KCNIP4: variants seen among roughly 807,000 people sequenced by gnomAD.
KCNIP4 encodes Kv channel-interacting protein 4.
KCNIP4 carries 12 observed loss-of-function variants against 34.0 expected under a neutral mutation model. That is an observed-to-expected ratio of 0.35 (90% confidence interval 0.23 to 0.57). KCNIP4 has a LOEUF of 0.57. Ranked by LOEUF, KCNIP4 falls within the 20% of genes least tolerant of loss-of-function variation. The pLI, the probability that KCNIP4 is intolerant of heterozygous loss-of-function variation, is 0.83. For missense variants in KCNIP4, 238 were observed against 311.7 expected, an observed-to-expected ratio of 0.76 and a Z score of 1.78; for synonymous variants, 124 against 102.2, an observed-to-expected ratio of 1.21 and a Z score of -1.29.
chr4:21,349,984 T>G (rs141699333), intron 1 of KCNIP4, among the ~76,000 whole-genome samples: 1,615 of 152,334 alleles, frequency 0.011, 15 homozygotes, highest in Non-Finnish European at 0.017. Context: ...ACTAGAGTTA[T>G]GAGCAATGCC....
intron 1 of KCNIP4, among the ~76,000 whole-genome samples, chr4:21,677,324 T>A (rs1749990136): frequency 6.6e-6 from 1 of 152,228 alleles, no homozygotes; most frequent in African/African-American, 2.4e-5. Flanking sequence ...ACTAGTATTC[T>A]AGCACTTCAA....
intron 1 of KCNIP4, among the ~76,000 whole-genome samples, chr4:21,661,619 A>G (rs1024586268): frequency 6.6e-6 from 1 of 152,276 alleles, no homozygotes; most frequent in South Asian, 2.1e-4. Flanking sequence ...TATCTTACCT[A>G]TGAGAACACT....
intron 1 of KCNIP4, among the ~76,000 whole-genome samples, chr4:21,432,578 T>C (rs552967648): frequency 2.0e-5 from 3 of 152,256 alleles, no homozygotes; most frequent in Non-Finnish European, 4.4e-5. Context: ...TCAAATTAGC[T>C]GGGAAAAAGA....
At chr4:21,310,155 C>T (rs1712988007) in intron 1 of KCNIP4, among the ~76,000 whole-genome samples, 1 of 152,152 alleles carries the variant, frequency 6.6e-6, no homozygotes, top group Non-Finnish European at 1.5e-5. Flanking sequence ...GTCTCAGCCT[C>T]CCGAGTAGCT....
chr4:20,943,633 T>C (rs547573889), intron 1 of KCNIP4, among the ~76,000 whole-genome samples: 5 of 152,146 alleles, frequency 3.3e-5, no homozygotes, highest in South Asian at 4.1e-4. Flanking sequence ...AGAGGAAAAA[T>C]GAATCATGAA....
intron 1 of KCNIP4, among the ~76,000 whole-genome samples, chr4:21,378,861 C>A (rs544857241): frequency 6.6e-6 from 1 of 152,198 alleles, no homozygotes; most frequent in South Asian, 2.1e-4. Context: ...TACTACGTAG[C>A]TATCTACATA....
chr4:20,735,943 CT>C (rs1243710311), intron 5 of KCNIP4, among the ~76,000 whole-genome samples: 1 of 152,188 alleles, frequency 6.6e-6, no homozygotes, highest in Non-Finnish European at 1.5e-5. Flanking sequence ...CAAAAGTCTT[CT>C]GGGTGAATTT....
chr4:21,417,730 C>A (rs1725090216), intron 1 of KCNIP4, among the ~76,000 whole-genome samples: 1 of 152,046 alleles, frequency 6.6e-6, no homozygotes, highest in African/African-American at 2.4e-5. Flanking sequence ...CTTTGTGGGG[C>A]AGAAAGTAGA....
intron 1 of KCNIP4, among the ~76,000 whole-genome samples, chr4:21,419,519 A>G (rs1249501602): frequency 9.9e-5 from 15 of 152,148 alleles, no homozygotes; most frequent in Non-Finnish European, 4.4e-5. Flanking sequence ...TAATAATATC[A>G]ATTATATTTA....
At chr4:20,980,232 C>A (rs771777960) in intron 1 of KCNIP4, among the ~76,000 whole-genome samples, 2 of 152,190 alleles carry the variant, frequency 1.3e-5, no homozygotes, top group Non-Finnish European at 2.9e-5. Flanking sequence ...TAATGTTCAT[C>A]TTGCACTTTC....
chr4:21,409,427 G>T (rs1724295133), intron 1 of KCNIP4, among the ~76,000 whole-genome samples: 1 of 151,984 alleles, frequency 6.6e-6, no homozygotes, highest in South Asian at 2.1e-4. Flanking sequence ...TATGTTTGTG[G>T]ATCCGCTTTT....
chr4:21,170,471 G>A (rs1753941664), intron 1 of KCNIP4, among the ~76,000 whole-genome samples: 1 of 151,826 alleles, frequency 6.6e-6, no homozygotes, highest in African/African-American at 2.4e-5. Flanking sequence ...TTAAATCACT[G>A]TATCTAAATA....
intron 1 of KCNIP4, among the ~76,000 whole-genome samples, chr4:21,499,942 A>C (rs1733175922): frequency 6.6e-6 from 1 of 152,190 alleles, no homozygotes; most frequent in Admixed American, 6.5e-5. Context: ...AATATTCACA[A>C]ATCAGAATTT....
chr4:21,590,964 T>C (rs1173491721), intron 1 of KCNIP4, among the ~76,000 whole-genome samples: 2 of 152,022 alleles, frequency 1.3e-5, no homozygotes, highest in African/African-American at 2.4e-5. Context: ...TATGTATTAA[T>C]ACTTAGAAAT....
At chr4:21,765,200 G>A (rs888587850) in intron 1 of KCNIP4, among the ~76,000 whole-genome samples, 3 of 149,576 alleles carry the variant, frequency 2.0e-5, no homozygotes, top group African/African-American at 7.5e-5. Flanking sequence ...CTGTCACCCA[G>A]GCTGGAATGG....
chr4:21,453,278 A>T (rs1233877896), intron 1 of KCNIP4, among the ~76,000 whole-genome samples: 1 of 152,128 alleles, frequency 6.6e-6, no homozygotes, highest in African/African-American at 2.4e-5. Context: ...AATGATTATG[A>T]CAGGAAAACA....
chr4:21,465,172 C>G (rs1356551865), intron 1 of KCNIP4, among the ~76,000 whole-genome samples: 1 of 152,074 alleles, frequency 6.6e-6, no homozygotes, highest in African/African-American at 2.4e-5. Context: ...TTTAGTCATT[C>G]ATAAGCACTG....
At chr4:20,922,971 G>A (rs1729555346) in intron 1 of KCNIP4, among the ~76,000 whole-genome samples, 3 of 152,112 alleles carry the variant, frequency 2.0e-5, no homozygotes, top group Admixed American at 2.0e-4. Flanking sequence ...ACGTGTGTGT[G>A]TGTGCGTGTG....
chr4:20,845,755 A>G lies in KCNIP4; in HGVS notation c.288+4788T>C, dbSNP rs139244348. Among the ~76,000 whole-genome samples the G allele has an allele frequency of 8.7e-3, 1,321 of 152,296 alleles. 10 individuals carry two copies. The highest frequency in any genetic ancestry group is 0.033 in the East Asian group (172 of 5,176). On this transcript the variant is annotated intron_variant, in intron 3 of 8. Transcript: ENST00000382152. ...GAGGACCAGGTGGAAACGGACTGCA[A>G]GTAGCCTCTAGGGGCTGCGTGGCCC... is the stretch of plus-strand genomic sequence containing the variant.
Sources: gnomAD v4.1 joint callset for allele counts (sites outside exome capture counted in the v4.1 genomes callset) on GRCh38, gnomAD v4.1.1 for gene constraint, MANE v1.5 for transcripts, NCBI Gene and HGNC (gene_info 2026-07-23, HGNC 2026-07-21) for gene names.